L3MBTL4: variants seen among roughly 807,000 people sequenced by gnomAD.
L3MBTL4 encodes the protein L3MBTL histone methyl-lysine binding protein 4.
L3MBTL4 carries 70 observed loss-of-function variants against 84.5 expected under a neutral mutation model. The ratio of observed to expected loss-of-function variants is 0.83; its 90% CI spans 0.68 to 1.01. The LOEUF (loss-of-function observed/expected upper bound fraction) is 1.01. Among genes scored for constraint, L3MBTL4 ranks in the 50% least tolerant of loss-of-function variants. L3MBTL4 has a pLI of 0.00. For synonymous variants in L3MBTL4, 274 were observed against 259.8 expected (o/e 1.05, Z -0.52); for missense variants, 715 against 754.8 (o/e 0.95, Z 0.62).
rs79436106 is a variant in L3MBTL4 at position 6,212,825 on chromosome 18, A to T, written c.981+324T>A. Reference sequence around the variant, plus strand: ...TACAGATTTCCCCCTGCACATACACATAAGCTGGGAATCACTCCATCCAAA... The same window carrying T: ...TACAGATTTCCCCCTGCACATACACTTAAGCTGGGAATCACTCCATCCAAA... On this transcript the variant is annotated intron_variant, in intron 12 of 18. Coordinates refer to ENST00000317931, the MANE Select transcript of L3MBTL4 (RefSeq NM_001330559.2). Among the ~76,000 whole-genome samples, 322 of 152,326 alleles carry T rather than the reference A, an allele frequency of 2.1e-3. 1 individual carries two copies. The highest frequency in any genetic ancestry group is 7.4e-3 in the African/African-American group (307 of 41,576).
chr18:6,100,394 G>A (rs1319300650), intron 14 of L3MBTL4, among the ~76,000 whole-genome samples: 4 of 151,942 alleles, frequency 2.6e-5, no homozygotes, highest in Admixed American at 2.6e-4. Flanking sequence ...TTTCTATTCT[G>A]TCATTTGTTT....
At chr18:6,205,992 T>C (rs1320734826) in intron 12 of L3MBTL4, among the ~76,000 whole-genome samples, 1 of 152,196 alleles carries the variant, frequency 6.6e-6, no homozygotes, top group African/African-American at 2.4e-5. Context: ...TCTGAAGGAA[T>C]AGAGTGAGTA....
At chr18:6,130,942 G>A (rs2059858100) in intron 14 of L3MBTL4, among the ~76,000 whole-genome samples, 1 of 152,054 alleles carries the variant, frequency 6.6e-6, no homozygotes, top group Admixed American at 6.6e-5. Flanking sequence ...ACAAGTTTGA[G>A]TATTATTGCT....
intron 1 of L3MBTL4, among the ~76,000 whole-genome samples, chr18:6,378,677 T>C (rs569579072): frequency 6.6e-6 from 1 of 152,202 alleles, no homozygotes; most frequent in Non-Finnish European, 1.5e-5. Context: ...TGTTGGTCTA[T>C]ATGTCTGTTT....
chr18:6,075,705 A>G (rs904061462), intron 16 of L3MBTL4, among the ~76,000 whole-genome samples: 3 of 152,206 alleles, frequency 2.0e-5, no homozygotes, highest in African/African-American at 7.2e-5. Context: ...ACAAGGCATC[A>G]TTAAGAGTGT....
chr18:6,402,649 T>C (rs2055559853), intron 1 of L3MBTL4, among the ~76,000 whole-genome samples: 1 of 152,140 alleles, frequency 6.6e-6, no homozygotes, highest in South Asian at 2.1e-4. Context: ...ATTTAATCAC[T>C]AGTGATTAAA....
chr18:6,049,960 T>C (rs953295633), intron 16 of L3MBTL4, among the ~76,000 whole-genome samples: 7 of 152,236 alleles, frequency 4.6e-5, no homozygotes, highest in Admixed American at 2.0e-4. Flanking sequence ...TTCTCTCATG[T>C]TCTTTATTTG....
chr18:5,961,385 G>A (rs1234837051), intron 17 of L3MBTL4, among the ~76,000 whole-genome samples: 5 of 152,198 alleles, frequency 3.3e-5, no homozygotes, highest in African/African-American at 9.6e-5. Context: ...CCTAGGGCTG[G>A]ACACCTGTGC....
chr18:6,174,917 A>T (rs1204976538), intron 12 of L3MBTL4, among the ~76,000 whole-genome samples: 3 of 151,914 alleles, frequency 2.0e-5, no homozygotes, highest in African/African-American at 7.2e-5. Flanking sequence ...ATAGAGCCTG[A>T]TAATATCAAC....
chr18:6,077,176 G>A (rs1438679095), intron 16 of L3MBTL4, among the ~76,000 whole-genome samples: 1 of 152,090 alleles, frequency 6.6e-6, no homozygotes, highest in Non-Finnish European at 1.5e-5. Context: ...ATTTTACTTC[G>A]CAAAAGGCCC....
At chr18:6,132,948 A>C (rs2059918182) in intron 14 of L3MBTL4, among the ~76,000 whole-genome samples, 1 of 152,218 alleles carries the variant, frequency 6.6e-6, no homozygotes, top group Non-Finnish European at 1.5e-5. Flanking sequence ...AAAGCAGTCC[A>C]AGAATGGTCG....
intron 16 of L3MBTL4, among the ~76,000 whole-genome samples, chr18:6,015,117 A>G (rs1233751411): frequency 2.0e-5 from 3 of 152,168 alleles, no homozygotes; most frequent in African/African-American, 7.2e-5. Flanking sequence ...GTGAGTTAGG[A>G]GCTCAGGATA....
intron 16 of L3MBTL4, among the ~76,000 whole-genome samples, chr18:6,019,228 C>T (rs1344752492): frequency 6.6e-6 from 1 of 152,156 alleles, no homozygotes; most frequent in Non-Finnish European, 1.5e-5. Context: ...TATGTAGAAT[C>T]AATATCTGGA....
chr18:5,971,643 A>G (rs1044826279), intron 16 of L3MBTL4, among the ~76,000 whole-genome samples: 6 of 152,226 alleles, frequency 3.9e-5, no homozygotes, highest in African/African-American at 1.4e-4. Flanking sequence ...AAAAAGACAC[A>G]CAAAAACCGG....
At chr18:5,988,798 A>G (rs1321164361) in intron 16 of L3MBTL4, among the ~76,000 whole-genome samples, 1 of 152,216 alleles carries the variant, frequency 6.6e-6, no homozygotes, top group Admixed American at 6.5e-5. Context: ...ATACCAATTA[A>G]AAGAGTTTCT....
intron 4 of L3MBTL4, among the ~76,000 whole-genome samples, chr18:6,289,622 T>C (rs2049755527): frequency 1.3e-5 from 2 of 152,252 alleles, no homozygotes; most frequent in Non-Finnish European, 2.9e-5. Context: ...ATGTGATTTA[T>C]AGGTCAGACA....
At chr18:6,298,616 T>C (rs2050202731) in intron 4 of L3MBTL4, among the ~76,000 whole-genome samples, 1 of 152,192 alleles carries the variant, frequency 6.6e-6, no homozygotes, top group African/African-American at 2.4e-5. Flanking sequence ...CTCATGCCTG[T>C]AATCCCAGCA....
At chr18:6,363,619 G>C (rs1340676767) in intron 1 of L3MBTL4, among the ~76,000 whole-genome samples, 1 of 149,968 alleles carries the variant, frequency 6.7e-6, no homozygotes, top group African/African-American at 2.4e-5. Flanking sequence ...CTTCATATGA[G>C]TTAACCCCTT....
chr18:6,037,809 C>T (rs1371101622), intron 16 of L3MBTL4, among the ~76,000 whole-genome samples: 2 of 152,168 alleles, frequency 1.3e-5, no homozygotes, highest in Non-Finnish European at 2.9e-5. Flanking sequence ...TGCATAATGA[C>T]ATTTGAAATC....
Sources: gnomAD v4.1 joint callset for allele counts (sites outside exome capture counted in the v4.1 genomes callset) on GRCh38, gnomAD v4.1.1 for gene constraint, MANE v1.5 for transcripts, NCBI Gene and HGNC (gene_info 2026-07-23, HGNC 2026-07-21) for gene names.